The following TRPC5 variants were observed in gnomAD, a reference collection of about 807,000 sequenced individuals.
TRPC5 encodes the protein transient receptor potential cation channel subfamily C member 5, also known as short transient receptor potential channel 5.
A neutral mutation model predicts 56.5 loss-of-function variants in TRPC5; 9 were observed. That is an observed-to-expected ratio of 0.16 (90% CI 0.10 to 0.28). The LOEUF (loss-of-function observed/expected upper bound fraction) is 0.28, where lower values mean the gene tolerates loss of function less well. Among genes scored for constraint, TRPC5 ranks in the 10% least tolerant of loss-of-function variants. The probability of loss-of-function intolerance (pLI) is 1.00; values close to 1 mark genes in which losing one functional copy is unlikely to be tolerated. For missense variants in TRPC5, 469 were observed against 748.9 expected (o/e 0.63, Z 4.36); for synonymous variants, 282 against 278.5 (o/e 1.01, Z -0.13).
intron 1 of TRPC5, among the ~76,000 whole-genome samples, chrX:111,955,166 C>T (rs1927200757): frequency 8.9e-6 from 1 of 112,088 alleles, no homozygotes; most frequent in African/African-American, 3.2e-5. Flanking sequence ...TCATCTCTTG[C>T]ATTTGGAATT....
chrX:111,788,107 C>G (rs183925202), intron 7 of TRPC5, among the ~76,000 whole-genome samples: 2 of 111,455 alleles, frequency 1.8e-5, no homozygotes, highest in Admixed American at 1.9e-4. Context: ...AGAGATACAA[C>G]AAAAAAAGAG....
intron 7 of TRPC5, among the ~76,000 whole-genome samples, chrX:111,826,965 T>C (rs376669747): frequency 6.2e-4 from 69 of 111,673 alleles, no homozygotes; most frequent in African/African-American, 1.5e-3. Context: ...AGGGCCCTTG[T>C]AGTGAAAGTG....
chrX:112,014,367 T>C (rs1238038622), intron 1 of TRPC5, among the ~76,000 whole-genome samples: 1 of 112,383 alleles, frequency 8.9e-6, no homozygotes, highest in African/African-American at 3.2e-5. Context: ...CTAGAATAAA[T>C]TTTGAAAAAA....
chrX:111,962,585 T>C (rs138879075), intron 1 of TRPC5, among the ~76,000 whole-genome samples: 9,004 of 111,902 alleles, frequency 0.08, 351 homozygotes, highest in Non-Finnish European at 0.12. Flanking sequence ...AAGTGGTTTC[T>C]TGAGATGGAA....
At chrX:111,823,497 T>C (rs1922091546) in intron 7 of TRPC5, among the ~76,000 whole-genome samples, 1 of 111,744 alleles carries the variant, frequency 8.9e-6, no homozygotes, top group Non-Finnish European at 1.9e-5. Flanking sequence ...TGAGGAATTC[T>C]TGTCATACAA....
intron 1 of TRPC5, among the ~76,000 whole-genome samples, chrX:112,055,810 T>G (rs1181258567): frequency 9.2e-6 from 1 of 108,919 alleles, no homozygotes; most frequent in East Asian, 2.8e-4. Context: ...TTGGGAGGGT[T>G]TTTTTAGTAA....
At chrX:111,904,359 A>C (rs1925507318) in intron 3 of TRPC5, among the ~76,000 whole-genome samples, 1 of 112,097 alleles carries the variant, frequency 8.9e-6, no homozygotes. Context: ...CACTATTCAC[A>C]ATAGCAAAGA....
At chrX:112,021,712 T>C (rs972249438) in intron 1 of TRPC5, among the ~76,000 whole-genome samples, 1 of 112,337 alleles carries the variant, frequency 8.9e-6, no homozygotes, top group Non-Finnish European at 1.9e-5. Context: ...AATATACCTG[T>C]TCTAAATAAA....
intron 1 of TRPC5, among the ~76,000 whole-genome samples, chrX:112,045,936 A>G (rs1239555425): frequency 9.9e-5 from 11 of 111,154 alleles, no homozygotes; most frequent in Non-Finnish European, 7.5e-5. Context: ...ACTTGAGGAG[A>G]TTCCCTCCCC....
At position 111,768,306 on chromosome X, in the gene TRPC5, G is replaced by T. The variant is rs762739764; in HGVS notation, c.*8007C>A. Reference sequence around the variant, plus strand: ...TTTCTATATGGTGATATGTGGTTGGGGCTGCCAACTAGGCTTAGAAGGTGA... The same window carrying T: ...TTTCTATATGGTGATATGTGGTTGGTGCTGCCAACTAGGCTTAGAAGGTGA... On this transcript the variant is annotated 3_prime_UTR_variant, in exon 11 of 11. Transcript: ENST00000262839. Among the ~76,000 whole-genome samples, 2 of 111,728 alleles carry T rather than the reference G, an allele frequency of 1.8e-5. No individual in the cohort carries two copies. Among genetic ancestry groups the T allele is most frequent in the Non-Finnish European group, 3.8e-5 (2 of 53,064 alleles).
intron 1 of TRPC5, among the ~76,000 whole-genome samples, chrX:111,975,862 C>A (rs940636575): frequency 6.2e-5 from 7 of 112,104 alleles, no homozygotes; most frequent in African/African-American, 2.3e-4. Context: ...CGAGATTGCA[C>A]CACTGCACTC....
chrX:112,059,172 A>G (rs1296815440), intron 1 of TRPC5, among the ~76,000 whole-genome samples: 2 of 111,707 alleles, frequency 1.8e-5, no homozygotes, highest in African/African-American at 3.3e-5. Context: ...AGGAGCCCCA[A>G]ATATGGTGAA....
chrX:111,915,061 T>TTC (rs34462597), intron 2 of TRPC5, among the ~76,000 whole-genome samples: 32 of 107,093 alleles, frequency 3.0e-4, no homozygotes, highest in Admixed American at 5.9e-4. Flanking sequence ...CTCGCTCTCT[T>TTC]TCTCTCTCTC....
chrX:112,009,934 A>G (rs1388706751), intron 1 of TRPC5, among the ~76,000 whole-genome samples: 1 of 111,550 alleles, frequency 9.0e-6, no homozygotes, highest in African/African-American at 3.3e-5. Context: ...AACATGGCAC[A>G]TGTATACATA....
Position 112,029,628 on chromosome X carries a change from C to T in TRPC5, c.-22+52251G>A, listed in dbSNP as rs184873665. 1.5e-3 allele frequency among the ~76,000 whole-genome samples: 167 copies of T among 111,721 alleles called. 1 individual carries two copies. The highest frequency in any genetic ancestry group is 2.5e-3 in the Non-Finnish European group (134 of 53,147). Reference sequence around the variant, plus strand: ...TTCCACCAGCAGTGCAAGAGGGTTCCCTTTTCTCCACATCCTCACCATCAT... The same window carrying T: ...TTCCACCAGCAGTGCAAGAGGGTTCTCTTTTCTCCACATCCTCACCATCAT... On this transcript the variant is annotated intron_variant, in intron 1 of 10. Transcript: ENST00000262839.
chrX:111,916,171 G>A (rs1310332329), intron 2 of TRPC5, among the ~76,000 whole-genome samples: 1 of 110,943 alleles, frequency 9.0e-6, no homozygotes, highest in Non-Finnish European at 1.9e-5. Context: ...TGACTCTATT[G>A]TTTATAAACC....
intron 1 of TRPC5, among the ~76,000 whole-genome samples, chrX:112,040,912 A>G (rs745516181): frequency 8.9e-5 from 10 of 112,292 alleles, no homozygotes; most frequent in Non-Finnish European, 1.5e-4. Context: ...TGAAACAAGT[A>G]AGCACGTGTT....
chrX:111,847,466 G>GCCC, intron 5 of TRPC5, 30 bp from the exon 6 acceptor site: 1 of 1,154,548 alleles, frequency 8.7e-7, no homozygotes, highest in Non-Finnish European at 1.2e-6. Flanking sequence ...CACAAGATGA[G>GCCC]GGGTACAGTG....
At chrX:112,037,176 C>T (rs1163839958) in intron 1 of TRPC5, among the ~76,000 whole-genome samples, 2 of 111,605 alleles carry the variant, frequency 1.8e-5, no homozygotes, top group Non-Finnish European at 3.8e-5. Flanking sequence ...TACTTCTTTC[C>T]TAAGCACAGC....
Sources: gnomAD v4.1 joint callset for allele counts (sites outside exome capture counted in the v4.1 genomes callset) on GRCh38, gnomAD v4.1.1 for gene constraint, MANE v1.5 for transcripts, NCBI Gene and HGNC (gene_info 2026-07-23, HGNC 2026-07-21) for gene names.